NCAPD3: variants seen among roughly 807,000 people sequenced by gnomAD.
NCAPD3 encodes the protein non-SMC condensin II complex subunit D3, also known as condensin-2 complex subunit D3.
Under a neutral mutation model 182.9 loss-of-function variants are expected in NCAPD3, and 105 were observed. The ratio of observed to expected loss-of-function variants is 0.57; its 90% CI spans 0.49 to 0.68. The LOEUF (loss-of-function observed/expected upper bound fraction) is 0.68, where lower values mean the gene tolerates loss of function less well. Ranked by LOEUF, NCAPD3 falls within the 30% of genes least tolerant of loss-of-function variation. The pLI is 0.00. For synonymous variants in NCAPD3, 815 were observed against 679.9 expected, an observed-to-expected ratio of 1.20 and a Z score of -3.09; for missense variants, 1,944 against 1,837.0, an observed-to-expected ratio of 1.06 and a Z score of -1.07.
chr11:134,224,826 C>T (rs979712389), upstream of NCAPD3: 1 of 157,272 alleles, frequency 6.4e-6, no homozygotes, highest in Non-Finnish European at 1.4e-5. Flanking sequence ...CTCGCCCGCC[C>T]ACTGCCACCG....
intron 13 of NCAPD3, among the ~76,000 whole-genome samples, chr11:134,199,928 A>G (rs1944716166): frequency 6.6e-6 from 1 of 152,216 alleles, no homozygotes; most frequent in Non-Finnish European, 1.5e-5. Context: ...AGAGCACACA[A>G]ATAAGCTCAT....
intron 20 of NCAPD3, 151 bp downstream of exon 20, chr11:134,180,926 A>T: frequency 1.6e-6 from 1 of 608,534 alleles, no homozygotes; most frequent in East Asian, 2.8e-5. Context: ...TTATCAATTT[A>T]AAAATATCTT....
chr11:134,153,385 C>T (rs547913099), intron 32 of NCAPD3, 22 bp from the exon 33 acceptor site: 1 of 1,613,246 alleles, frequency 6.2e-7, no homozygotes, highest in East Asian at 2.2e-5. Flanking sequence ...GGAGACACCA[C>T]TGAGTGAAAG....
intron 23 of NCAPD3, among the ~76,000 whole-genome samples, chr11:134,176,897 C>T (rs945790347): frequency 6.6e-6 from 1 of 152,164 alleles, no homozygotes; most frequent in Non-Finnish European, 1.5e-5. Flanking sequence ...GTGGACTTGT[C>T]CAAGTTAAAA....
rs773432064 is a variant in NCAPD3, at chr11:134,185,469, A to C, written c.2103T>G (p.Thr701=). ...IWSKKEKFSP[T]FINNVISHTG... ...TGTGAGATATTACATTGTTTATAAA[A>C]GTGGGTGAGAATTTTTCTTTCTTGG... Residue 701 remains threonine (T), a synonymous_variant, in exon 17 of 35, where the codon ACT becomes ACG. Coordinates refer to ENST00000534548, the MANE Select transcript of NCAPD3 (RefSeq NM_015261.3). 5.6e-6 allele frequency: 9 copies of C among 1,613,146 alleles called. No homozygotes were observed. The South Asian group carries it at 6.6e-5, about 12-fold the overall frequency.
chr11:134,224,416 G>C (rs1030760431), upstream of NCAPD3: 8 of 173,448 alleles, frequency 4.6e-5, no homozygotes, highest in Admixed American at 3.6e-4. Context: ...TAAGGGAAAA[G>C]TAGCCGAAAG....
chr11:134,223,956 T>G lies in NCAPD3; in HGVS notation c.-30A>C. The G allele has an allele frequency of 1.2e-6, 2 of 1,608,052 alleles. No individual in the cohort carries two copies. Among genetic ancestry groups the G allele is most frequent in the South Asian group, 2.2e-5 (2 of 90,174 alleles). ...CCAGGGCACCGGCTCGCCGCCGCCG[T>G]GCTCAACTTTCAAAGCTCGCTCCCG... On this transcript the variant is annotated 5_prime_UTR_variant, in exon 1 of 35. Transcript: ENST00000534548.
Position 134,192,841 on chromosome 11 carries a change from G to A in NCAPD3, c.1893C>T (p.Cys631=), listed in dbSNP as rs751006586. The A allele has an allele frequency of 1.9e-5, 31 of 1,613,854 alleles. No homozygotes were observed. Among genetic ancestry groups the A allele is most frequent in the Admixed American group, 1.3e-4 (8 of 60,002 alleles). Residue 631 remains cysteine, a synonymous_variant, in exon 16 of 35, where the codon TGC becomes TGT. Transcript: ENST00000534548. Reference sequence around the variant, plus strand: ...GGGCCTTCTCCTGCACAGTGCTCTCGCAGTCCATCACCACCGGGACCACCC... The same window carrying A: ...GGGCCTTCTCCTGCACAGTGCTCTCACAGTCCATCACCACCGGGACCACCC... The part of the protein sequence containing the change: ...LRGVVPVVMD[C]ESTVQEKALE...
At chr11:134,179,451 A>G (rs1944245878) in intron 20 of NCAPD3, among the ~76,000 whole-genome samples, 1 of 152,256 alleles carries the variant, frequency 6.6e-6, no homozygotes, top group Non-Finnish European at 1.5e-5. Context: ...TAATGACTAC[A>G]TAAGTATATG....
intron 16 of NCAPD3, among the ~76,000 whole-genome samples, chr11:134,188,076 T>C (rs531758390): frequency 1.2e-4 from 18 of 152,146 alleles, no homozygotes; most frequent in Non-Finnish European, 2.2e-4. Flanking sequence ...AGTGGGGACA[T>C]GGAGAACTTT....
intron 16 of NCAPD3, among the ~76,000 whole-genome samples, chr11:134,187,648 A>C (rs1944438359): frequency 6.6e-6 from 1 of 150,504 alleles, no homozygotes; most frequent in South Asian, 2.1e-4. Context: ...TACTTCTGGG[A>C]AGCCACCCTA....
At position 134,209,407 on chromosome 11, in the gene NCAPD3, C is replaced by T. The variant is rs987038260; in HGVS notation, c.638G>A (p.Arg213Gln). The T allele has an allele frequency of 5.6e-6, 9 of 1,613,668 alleles. No individual in the cohort carries two copies. The highest frequency in any genetic ancestry group is 2.7e-5 in the African/African-American group (2 of 74,888). ...CFSARDLSQI[R>Q]NAIFHLLKNF... ...CTTTAAAAGGTGAAAGATGGCATTTCGAATTTGAGAAAGGTCCCGGGCAGA... is the reference window on the plus strand; with the variant it reads ...CTTTAAAAGGTGAAAGATGGCATTTTGAATTTGAGAAAGGTCCCGGGCAGA... The change falls in exon 5 of 35, where the codon CGA becomes CAA. Residue 213 changes from arginine to glutamine, a missense_variant. Arg to Gln is a conservative substitution (Grantham distance 43). This residue lies in a region of NCAPD3 where 1,803 missense variants were observed against 1,674.6 expected (regional missense o/e 1.08). Transcript: ENST00000534548.
Position 134,158,069 on chromosome 11 carries a change from T to C in NCAPD3, c.4035-2A>G, listed in dbSNP as rs781538529. On this transcript the variant is annotated splice_acceptor_variant, in intron 30 of 34. Coordinates refer to ENST00000534548, the MANE Select transcript of NCAPD3 (RefSeq NM_015261.3). LOFTEE classifies it high-confidence loss of function. ...GCAATGGTGCTCAGGGACATGGGCC[T>C]GTGGAGAACAGCCACAGCCGCTGAC... 4 of 1,613,098 alleles carry C rather than the reference T, an allele frequency of 2.5e-6. No individual in the cohort carries two copies. Among genetic ancestry groups the C allele is most frequent in the Non-Finnish European group, 2.5e-6 (3 of 1,179,568 alleles).
At position 134,161,969 on chromosome 11, in the gene NCAPD3, G is replaced by A. The variant is rs1053658918; in HGVS notation, c.3574-78C>T. 9.8e-6 allele frequency: 7 copies of A among 711,624 alleles called. No individual in the cohort carries two copies. In the African/African-American group the frequency reaches 1.3e-4, roughly 13 times the overall value. The allele number at this position is 711,624 out of a possible 1,614,324, so 44.1% of individuals were successfully genotyped here. On this transcript the variant is annotated intron_variant, in intron 27 of 34. Transcript: ENST00000534548. ...GCCTCTCCTTGATCTAGTTCTTTGA[G>A]TAGAGCCACCCTACCACACTATGTA...
chr11:134,164,744 C>A (rs1054296643), intron 27 of NCAPD3, among the ~76,000 whole-genome samples: 1 of 150,224 alleles, frequency 6.7e-6, no homozygotes, highest in Non-Finnish European at 1.5e-5. Context: ...TAGGGAGCTT[C>A]ACACTCACTT....
chr11:134,208,866 T>C lies in NCAPD3; in HGVS notation c.880A>G (p.Lys294Glu). Residue 294 changes from lysine to glutamate, a missense_variant and splice_region_variant, in exon 7 of 35, where the codon AAG becomes GAG. Physicochemically the swap from Lys to Glu is moderately conservative, Grantham distance 56. Coordinates refer to ENST00000534548, the MANE Select transcript of NCAPD3 (RefSeq NM_015261.3). ...AATTAGGTTCTCATCTCCTTTACCT[T>C]ATCTCCTTCTCCATGAATGGGAGAG... Reference protein sequence around the residue: ...LCSPIHGEGDKVISCVFHQML... With the variant: ...LCSPIHGEGDEVISCVFHQML... 6.2e-7 allele frequency: 1 copy of C among 1,609,662 alleles called. No individual in the cohort carries two copies. Among genetic ancestry groups the C allele is most frequent in the Non-Finnish European group, 8.5e-7 (1 of 1,176,956 alleles).
At chr11:134,153,470 C>T (rs896832530) in intron 32 of NCAPD3, 107 bp from the exon 33 acceptor site, 19 of 1,166,800 alleles carry the variant, frequency 1.6e-5, no homozygotes, top group East Asian at 9.4e-5. Context: ...AGTGTCCCAG[C>T]GGCGGCCCTC....
intron 20 of NCAPD3, among the ~76,000 whole-genome samples, chr11:134,180,217 T>C (rs12421872): frequency 1.3e-5 from 2 of 152,116 alleles, no homozygotes; most frequent in Non-Finnish European, 2.9e-5. Flanking sequence ...ACGTGCACAG[T>C]AGTGCCTCAG....
chr11:134,219,920 C>T (rs966780734), intron 2 of NCAPD3, among the ~76,000 whole-genome samples: 3 of 152,008 alleles, frequency 2.0e-5, no homozygotes, highest in South Asian at 2.1e-4. Flanking sequence ...CCCAGCCTCT[C>T]GAGTAGCTGG....
Sources: gnomAD v4.1 joint callset for allele counts (sites outside exome capture counted in the v4.1 genomes callset) on GRCh38, gnomAD v4.1.1 for gene constraint, gnomAD v4.1.1 regional missense constraint, MANE v1.5 for transcripts, NCBI Gene and HGNC (gene_info 2026-07-23, HGNC 2026-07-21) for gene names.